Variants in SDK2 observed in about 807,000 individuals in gnomAD.
SDK2 encodes sidekick cell adhesion molecule 2, also known as protein sidekick-2.
A neutral mutation model predicts 253.9 loss-of-function variants in SDK2; 105 were observed. That is an observed-to-expected ratio of 0.41 (90% confidence interval 0.35 to 0.49). SDK2 has a LOEUF of 0.49. Ranked by LOEUF, SDK2 falls within the 20% of genes least tolerant of loss-of-function variation. SDK2 has a pLI of 0.06. For synonymous variants in SDK2, 1,249 were observed against 1,234.9 expected (o/e 1.01, Z -0.24); for missense variants, 2,608 against 3,003.0 (o/e 0.87, Z 3.07).
At chr17:73,576,076 C>G (rs2045455576) in intron 1 of SDK2, among the ~76,000 whole-genome samples, 1 of 152,184 alleles carries the variant, frequency 6.6e-6, no homozygotes, top group African/African-American at 2.4e-5. Context: ...TCCTATTGAA[C>G]AGGACCAAAA....
intron 1 of SDK2, among the ~76,000 whole-genome samples, chr17:73,593,821 C>G (rs1290317472): frequency 6.6e-6 from 1 of 152,190 alleles, no homozygotes; most frequent in Non-Finnish European, 1.5e-5. Context: ...CCCTCTTCTT[C>G]TTTTGTCCCT....
chr17:73,594,218 G>A (rs1325817697), intron 1 of SDK2, among the ~76,000 whole-genome samples: 1 of 152,140 alleles, frequency 6.6e-6, no homozygotes, highest in Non-Finnish European at 1.5e-5. Context: ...ATGGGGATTC[G>A]TGGGCTGTAG....
In SDK2 at chr17:73,380,916, G is replaced by A. The variant is rs1424910873; in HGVS notation, c.4740C>T (p.Ser1580=). Residue 1580 remains serine (S), a synonymous_variant, in exon 34 of 45, where the codon AGC becomes AGT. Transcript: ENST00000392650. ...MYSMRNLSRP[S]LTQYELDNLN... Reference sequence around the variant, plus strand: ...TACTGTCCAGCTCGTACTGCGTGAGGCTGGGCCGGCTCAGGTTCCGCATGG... The same window carrying A: ...TACTGTCCAGCTCGTACTGCGTGAGACTGGGCCGGCTCAGGTTCCGCATGG... 1 of 1,569,060 alleles carries A rather than the reference G, an allele frequency of 6.4e-7. No individual in the cohort carries two copies. Among genetic ancestry groups the A allele is most frequent in the Non-Finnish European group, 8.6e-7 (1 of 1,156,982 alleles).
At chr17:73,604,339 G>A (rs562772025) in intron 1 of SDK2, among the ~76,000 whole-genome samples, 7 of 152,284 alleles carry the variant, frequency 4.6e-5, no homozygotes, top group African/African-American at 7.2e-5. Flanking sequence ...CTTGTCCTTC[G>A]CATCATCTCC....
intron 36 of SDK2, among the ~76,000 whole-genome samples, chr17:73,378,190 C>A (rs1054677776): frequency 2.0e-5 from 3 of 152,096 alleles, no homozygotes; most frequent in Non-Finnish European, 4.4e-5. Flanking sequence ...ACTCTGCCCC[C>A]CTGGCTCAAG....
intron 39 of SDK2, among the ~76,000 whole-genome samples, chr17:73,359,370 G>A (rs536020861): frequency 1.3e-5 from 2 of 152,300 alleles, no homozygotes; most frequent in African/African-American, 4.8e-5. Context: ...AGCATTGGAG[G>A]GCACCATTTC....
At chr17:73,458,945 G>A (rs539935329) in intron 3 of SDK2, among the ~76,000 whole-genome samples, 11 of 152,190 alleles carry the variant, frequency 7.2e-5, no homozygotes, top group Non-Finnish European at 1.2e-4. Flanking sequence ...CGGAGGTTGC[G>A]GTGAGCCGAG....
intron 1 of SDK2, among the ~76,000 whole-genome samples, chr17:73,546,656 C>T (rs1333124743): frequency 1.3e-5 from 2 of 152,220 alleles, no homozygotes; most frequent in Non-Finnish European, 2.9e-5. Context: ...AGACCCCTGG[C>T]ATGGTGGTGG....
Position 73,361,907 on chromosome 17 carries a change from G to C in SDK2, c.5306-62C>G. On this transcript the variant is annotated intron_variant, in intron 38 of 44. Coordinates refer to ENST00000392650, the MANE Select transcript of SDK2 (RefSeq NM_001144952.2). The surrounding 1 kb of genome is among the most constrained non-coding windows in gnomAD (Gnocchi z 4.1). ...GCCCACCGAGGGCACTGGAGGCCAT[G>C]GGGAAGGGGAAGCGGCCGTGGCCTG... 1 of 1,480,506 alleles carries C rather than the reference G, an allele frequency of 6.8e-7. No individual in the cohort carries two copies. 91.7% of individuals were successfully genotyped at this position (1,480,506 alleles called of 1,614,324 possible). A position where few individuals can be genotyped will look rare whatever the true frequency, so the allele number is the denominator to read the frequency against.
chr17:73,359,199 G>T (rs1398650067), intron 39 of SDK2, among the ~76,000 whole-genome samples: 6 of 151,988 alleles, frequency 3.9e-5, no homozygotes, highest in Admixed American at 2.6e-4. Context: ...TTGGTGGGGG[G>T]TCTCTGTGGA....
At chr17:73,572,991 C>G (rs775567578) in intron 1 of SDK2, among the ~76,000 whole-genome samples, 3 of 152,214 alleles carry the variant, frequency 2.0e-5, no homozygotes, top group African/African-American at 4.8e-5. Flanking sequence ...CTAGTGTCAA[C>G]ACATGCCAAG....
chr17:73,419,365 A>G, intron 15 of SDK2, 59 bp from the exon 16 acceptor site: 2 of 1,574,054 alleles, frequency 1.3e-6, no homozygotes, highest in Non-Finnish European at 1.7e-6. Flanking sequence ...GTTGAATGGG[A>G]TATGAGAAGG....
In SDK2 at chr17:73,441,046, G is replaced by T. The variant is rs1599569484; in HGVS notation, c.614-123C>A. 5.7e-6 allele frequency: 4 copies of T among 699,974 alleles called. No homozygotes were observed. The South Asian group carries it at 7.4e-5, about 13-fold the overall frequency. 43.4% of individuals were successfully genotyped at this position (699,974 alleles called of 1,614,324 possible). A position where few individuals can be genotyped will look rare whatever the true frequency, so the allele number is the denominator to read the frequency against. On this transcript the variant is annotated intron_variant, in intron 5 of 44. Coordinates refer to ENST00000392650, the MANE Select transcript of SDK2 (RefSeq NM_001144952.2). ...CCGAGTGGAGCAGGTGGCCATGGGG[G>T]CAGCCCCAGAGCAGACCTCCAGACA...
chr17:73,338,660 G>A lies in SDK2; in HGVS notation c.6446C>T (p.Thr2149Ile), dbSNP rs1439855508. The A allele has an allele frequency of 2.5e-6, 4 of 1,569,604 alleles. No individual in the cohort carries two copies. The East Asian group carries it at 6.7e-5, about 26-fold the overall frequency. ...CAGGCTGCTGGGGGGACGGTAGAGG[G>A]TGCTCTGCTGACTTGGGGGGTTAGG... ...NPPNPPSQQS[T>I]LYRPPSSLAP... is the part of the protein sequence containing the mutation. Residue 2149 changes from threonine to isoleucine, a missense_variant, in exon 45 of 45, where the codon ACC becomes ATC. Transcript: ENST00000392650. This position sits in a 1 kb window ranked among gnomAD's most constrained non-coding sequence, Gnocchi z 5.0.
chr17:73,585,969 G>C (rs2045598057), intron 1 of SDK2, among the ~76,000 whole-genome samples: 1 of 152,090 alleles, frequency 6.6e-6, no homozygotes, highest in Non-Finnish European at 1.5e-5. Flanking sequence ...ATATATATAG[G>C]ATGTACTCGG....
intron 1 of SDK2, among the ~76,000 whole-genome samples, chr17:73,531,606 C>T (rs1339386313): frequency 5.9e-5 from 9 of 152,184 alleles, no homozygotes; most frequent in Admixed American, 5.2e-4. Context: ...TCTGCCAGGC[C>T]CTTATCGCCT....
intron 3 of SDK2, among the ~76,000 whole-genome samples, chr17:73,456,800 C>T (rs935481622): frequency 4.6e-5 from 7 of 152,236 alleles, no homozygotes; most frequent in Admixed American, 3.9e-4. Context: ...GCCAGCCTGC[C>T]GGCCTGCCGG....
chr17:73,607,311 G>C (rs1404325907), intron 1 of SDK2, among the ~76,000 whole-genome samples: 2 of 152,210 alleles, frequency 1.3e-5, no homozygotes, highest in African/African-American at 2.4e-5. Context: ...TGATCAACCA[G>C]TGCGATTGGC....
rs146455632 is a variant in SDK2, at chr17:73,460,628, A to C, written c.332-4575T>G. On this transcript the variant is annotated intron_variant, in intron 3 of 44. Coordinates refer to ENST00000392650, the MANE Select transcript of SDK2 (RefSeq NM_001144952.2). The stretch of plus-strand genomic sequence containing the variant: ...ATCACCTCCTCAATGAAGTTTACCC[A>C]AAACCATTCAAATAGAATTCAAAAA... Among the ~76,000 whole-genome samples the C allele has an allele frequency of 4.6e-5, 7 of 152,362 alleles. No homozygotes were observed. The East Asian group carries it at 1.3e-3, about 29-fold the overall frequency.
Sources: allele counts gnomAD v4.1 joint callset (sites outside exome capture counted in the v4.1 genomes callset), GRCh38; gene constraint gnomAD v4.1.1; non-coding constraint Gnocchi (gnomAD v3.1); transcripts MANE v1.5; gene names NCBI Gene and HGNC (gene_info 2026-07-23, HGNC 2026-07-21).